Variants in ZNF605 observed in about 807,000 individuals in gnomAD.
The protein encoded by ZNF605 is zinc finger protein 605.
Under a neutral mutation model 7.9 loss-of-function variants are expected in ZNF605, and 9 were observed. The ratio of observed to expected loss-of-function variants is 1.14; its 90% CI spans 0.68 to 1.98. The LOEUF is 1.98. ZNF605 is among the 30% of genes most tolerant of loss of function. ZNF605 has a pLI of 0.00. For missense variants in ZNF605, 673 were observed against 762.4 expected (o/e 0.88, Z 1.38); for synonymous variants, 255 against 260.1 (o/e 0.98, Z 0.19).
chr12:132,948,958 C>G (rs1952526887), intron 1 of ZNF605, among the ~76,000 whole-genome samples: 1 of 152,194 alleles, frequency 6.6e-6, no homozygotes, highest in African/African-American at 2.4e-5. Context: ...TAGCTCACGC[C>G]TGGCACCTGC....
rs1952197158 is a variant in ZNF605 at position 132,920,670 on chromosome 12, T to G, written c.*4703A>C. On this transcript the variant is annotated 3_prime_UTR_variant, in exon 5 of 5. Coordinates refer to ENST00000360187, the MANE Select transcript of ZNF605 (RefSeq NM_183238.4). ...AGAAAACTTGTTGAAGAAAGCTTAC[T>G]TTATTTTTATTCATTTAAGAGGCAA... 1 of 152,182 alleles carries G rather than the reference T, an allele frequency of 6.6e-6. No individual in the cohort carries two copies. Among genetic ancestry groups the G allele is most frequent in the Non-Finnish European group, 1.5e-5 (1 of 68,034 alleles). 9.4% of individuals were successfully genotyped at this position (152,182 alleles called of 1,614,324 possible).
Position 132,925,284 on chromosome 12 carries a change from T to A in ZNF605, c.*89A>T. ...GCTTTTTCAACAGTCACTGCCTCAA[T>A]AGGGTTTCTCTCCCACATGCATCCT... On this transcript the variant is annotated 3_prime_UTR_variant, in exon 5 of 5. Transcript: ENST00000360187. 2 of 941,226 alleles carry A rather than the reference T, an allele frequency of 2.1e-6. No individual in the cohort carries two copies. Among genetic ancestry groups the A allele is most frequent in the Non-Finnish European group, 3.1e-6 (2 of 638,216 alleles). The allele number at this position is 941,226 out of a possible 1,614,324, so 58.3% of individuals were successfully genotyped here.
chr12:132,950,017 G>A (rs1593603494), intron 1 of ZNF605, among the ~76,000 whole-genome samples: 1 of 151,896 alleles, frequency 6.6e-6, no homozygotes, highest in Non-Finnish European at 1.5e-5. Context: ...CTCCTGAGAC[G>A]CCTGGGAGCT....
chr12:132,921,168 T>C lies in ZNF605; in HGVS notation c.*4205A>G, dbSNP rs1379879617. The C allele has an allele frequency of 6.6e-6, 1 of 152,074 alleles. No homozygotes were observed. Among genetic ancestry groups the C allele is most frequent in the East Asian group, 1.9e-4 (1 of 5,176 alleles). 9.4% of individuals were successfully genotyped at this position (152,074 alleles called of 1,614,324 possible). A position where few individuals can be genotyped will look rare whatever the true frequency, so the allele number is the denominator to read the frequency against. ...ATTTTTTTTTTGTAGAGATGAGTCT[T>C]GCTATGTTGTCCAGCTGGTCTCAAA... On this transcript the variant is annotated 3_prime_UTR_variant, in exon 5 of 5. Transcript: ENST00000360187.
rs79769807 is a variant in ZNF605 at position 132,926,746 on chromosome 12, C to T, written c.553G>A (p.Val185Ile). Reference sequence around the variant, plus strand: ...CCTGTATGAGTTCTCTGGTGTATAACAAGTTGTGACTTCTTGTTAAAAAAT... The same window carrying T: ...CCTGTATGAGTTCTCTGGTGTATAATAAGTTGTGACTTCTTGTTAAAAAAT... ...GRFFNKKSQL[V>I]IHQRTHTGEK... Residue 185 changes from valine (V) to isoleucine (I), a missense_variant, in exon 5 of 5, where the codon GTT (valine) becomes ATT (isoleucine). Physicochemically the swap from Val to Ile is conservative, Grantham distance 29. Transcript: ENST00000360187. 6.2e-7 allele frequency: 1 copy of T among 1,613,846 alleles called. No individual in the cohort carries two copies. Among genetic ancestry groups the T allele is most frequent in the Non-Finnish European group, 8.5e-7 (1 of 1,179,846 alleles).
intron 3 of ZNF605, among the ~76,000 whole-genome samples, chr12:132,939,853 C>A (rs191066167): frequency 3.5e-5 from 5 of 143,904 alleles, no homozygotes; most frequent in Admixed American, 6.8e-5. Context: ...CCTGAGCCAG[C>A]GAGACCACGA....
At chr12:132,938,629 C>T (rs1433608808) in intron 3 of ZNF605, among the ~76,000 whole-genome samples, 5 of 152,238 alleles carry the variant, frequency 3.3e-5, no homozygotes, top group Non-Finnish European at 7.3e-5. Flanking sequence ...GGCACCTCCC[C>T]TGCCTGGGCT....
chr12:132,946,417 G>A (rs1952494726), intron 2 of ZNF605, among the ~76,000 whole-genome samples: 1 of 152,234 alleles, frequency 6.6e-6, no homozygotes, highest in Admixed American at 6.5e-5. Flanking sequence ...AGGCTGAGCA[G>A]GGCCTGGCTG....
chr12:132,945,033 G>T, intron 3 of ZNF605: 1 of 209,694 alleles, frequency 4.8e-6, no homozygotes, highest in East Asian at 1.2e-4. Flanking sequence ...TGTCACCCTG[G>T]CTGGAGTGCA....
intron 3 of ZNF605, among the ~76,000 whole-genome samples, chr12:132,934,508 C>T (rs1192398472): frequency 6.6e-6 from 1 of 151,820 alleles, no homozygotes; most frequent in East Asian, 1.9e-4. Context: ...GAGTTGGAGA[C>T]CAGCCTGGCC....
intron 1 of ZNF605, among the ~76,000 whole-genome samples, chr12:132,949,070 A>G (rs1952528626): frequency 6.6e-6 from 1 of 151,520 alleles, no homozygotes; most frequent in African/African-American, 2.4e-5. Flanking sequence ...AAAATATGGG[A>G]CAAGAAGTTG....
chr12:132,939,253 G>T (rs1173138399), intron 3 of ZNF605, among the ~76,000 whole-genome samples: 28 of 152,320 alleles, frequency 1.8e-4, no homozygotes, highest in African/African-American at 6.3e-4. Flanking sequence ...TTTATATCTA[G>T]CTCAGGGATT....
At chr12:132,953,979 T>C (rs1157261193) in intron 1 of ZNF605, among the ~76,000 whole-genome samples, 3 of 151,828 alleles carry the variant, frequency 2.0e-5, no homozygotes, top group African/African-American at 7.3e-5. Context: ...ACAAACAAGC[T>C]CCTTCTCACC....
intron 3 of ZNF605, among the ~76,000 whole-genome samples, chr12:132,934,097 A>ACACACACACACACACACATG (rs142087572): frequency 2.9e-3 from 49 of 16,686 alleles, no homozygotes; most frequent in Middle Eastern, 0.12. Flanking sequence ...ACTCTATTAA[A>ACACACACACACACACACATG]CACACACACA....
At chr12:132,948,740 A>T (rs1952522679) in intron 1 of ZNF605, 1 of 152,298 alleles carries the variant, frequency 6.6e-6, no homozygotes, top group African/African-American at 2.4e-5. Context: ...GCAACTGAAA[A>T]AAAGAGTACA....
intron 4 of ZNF605, among the ~76,000 whole-genome samples, chr12:132,929,038 A>C (rs1460143587): frequency 1.0e-3 from 14 of 13,738 alleles, no homozygotes; most frequent in African/African-American, 1.2e-3. Context: ...ACAAAACAAA[A>C]CAAAACAAAA....
rs2137124195 is a variant in ZNF605 at position 132,926,457 on chromosome 12, T to C, written c.842A>G (p.Tyr281Cys). The C allele has an allele frequency of 6.2e-7, 1 of 1,614,176 alleles. No homozygotes were observed. Among genetic ancestry groups the C allele is most frequent in the African/African-American group, 1.3e-5 (1 of 75,044 alleles). Residue 281 changes from tyrosine (Y) to cysteine (C), a missense_variant, in exon 5 of 5, where the codon TAC becomes TGC. Transcript: ENST00000360187. ...HQITHTIEKPYSCSECGKAFS... is the reference protein window; with the variant it reads ...HQITHTIEKPCSCSECGKAFS... ...TGCTTTCCCACACTCACTGCAACTG[T>C]AGGGTTTCTCTATTGTGTGCGTTAT...
intron 1 of ZNF605, among the ~76,000 whole-genome samples, chr12:132,952,185 G>C (rs1000070213): frequency 1.3e-5 from 2 of 152,004 alleles, no homozygotes; most frequent in Non-Finnish European, 2.9e-5. Flanking sequence ...GGCCAGGCGC[G>C]GTGGCTCACG....
chr12:132,948,966 T>C (rs908738530), intron 1 of ZNF605, among the ~76,000 whole-genome samples: 16 of 152,312 alleles, frequency 1.1e-4, no homozygotes, highest in Middle Eastern at 3.4e-3. Context: ...GCCTGGCACC[T>C]GCAGGGAGCA....
Sources: gnomAD v4.1 joint callset for allele counts (sites outside exome capture counted in the v4.1 genomes callset) on GRCh38, gnomAD v4.1.1 for gene constraint, MANE v1.5 for transcripts, NCBI Gene and HGNC (gene_info 2026-07-23, HGNC 2026-07-21) for gene names.